PLA2G4F: variants seen among roughly 807,000 people sequenced by gnomAD.
The protein encoded by PLA2G4F is cytosolic phospholipase A2 zeta.
PLA2G4F carries 105 observed loss-of-function variants against 103.1 expected under a neutral mutation model. The ratio of observed to expected loss-of-function variants is 1.02; its 90% CI spans 0.87 to 1.20. The LOEUF is 1.20. Ranked by LOEUF, PLA2G4F falls within the 50% of genes most tolerant of loss-of-function variation. The probability of loss-of-function intolerance (pLI) is 0.00; values close to 1 mark genes in which losing one functional copy is unlikely to be tolerated. For missense variants in PLA2G4F, 1,155 were observed against 1,075.9 expected, an observed-to-expected ratio of 1.07 and a Z score of -1.03; for synonymous variants, 468 against 441.1, an observed-to-expected ratio of 1.06 and a Z score of -0.76.
intron 14 of PLA2G4F, 38 bp from the exon 15 acceptor site, chr15:42,145,941 C>T (rs1045748957): frequency 6.2e-7 from 1 of 1,608,626 alleles, no homozygotes; most frequent in Non-Finnish European, 8.5e-7. Flanking sequence ...CCAGGGGCTT[C>T]CCACCACGGT....
chr15:42,154,142 T>C lies in PLA2G4F; in HGVS notation c.400A>G (p.Ser134Gly), dbSNP rs1343403533. Residue 134 changes from serine to glycine, a missense_variant, in exon 4 of 20, where the codon AGC becomes GGC. Around this residue, in one of 3 missense-constraint regions of PLA2G4F, gnomAD observed 370 missense variants for 364.9 expected, o/e 1.01. Transcript: ENST00000397272. ...TTGTGAGGTTGGCCACACTTGAGGC[T>C]TCTCAGGTCAAACAGGAGCAGAGAG... The part of the protein sequence containing the change: ...QLSLLLFDLR[S>G]LKCGQPHKHT... 6.2e-7 allele frequency: 1 copy of C among 1,614,074 alleles called. No homozygotes were observed. Among genetic ancestry groups the C allele is most frequent in the African/African-American group, 1.3e-5 (1 of 74,928 alleles).
chr15:42,156,220 C>T (rs1287126641), intron 1 of PLA2G4F, among the ~76,000 whole-genome samples: 3 of 152,222 alleles, frequency 2.0e-5, no homozygotes, highest in Admixed American at 2.0e-4. Context: ...GCCAACCCAC[C>T]CCAGACAAGT....
At position 42,139,319 on chromosome 15, in the gene PLA2G4F, T is replaced by C. The variant is rs973328513; in HGVS notation, c.*2665A>G. 6.5e-6 allele frequency: 1 copy of C among 153,678 alleles called. No individual in the cohort carries two copies. Among genetic ancestry groups the C allele is most frequent in the African/African-American group, 2.4e-5 (1 of 41,500 alleles). The allele number at this position is 153,678 out of a possible 1,614,324, so 9.5% of individuals were successfully genotyped here. A position where few individuals can be genotyped will look rare whatever the true frequency, so the allele number is the denominator to read the frequency against. On this transcript the variant is annotated 3_prime_UTR_variant, in exon 20 of 20. Transcript: ENST00000397272. ...CTCTGCCTCAGGGTTATAGAACAGC[T>C]GTCTTTAGCTATTCTCCTCCAAAGC...
intron 13 of PLA2G4F, 57 bp downstream of exon 13, chr15:42,147,067 G>C: frequency 1.3e-6 from 2 of 1,494,298 alleles, no homozygotes; most frequent in South Asian, 1.2e-5. Context: ...CAGAAGCAAG[G>C]GGCGGGTGGA....
At chr15:42,144,189 C>T (rs1422458382) in intron 17 of PLA2G4F, 45 bp from the exon 18 acceptor site, 8 of 1,550,740 alleles carry the variant, frequency 5.2e-6, no homozygotes, top group Non-Finnish European at 7.0e-6. Flanking sequence ...TGCAGTTACT[C>T]TTGCTAGCAA....
rs1461510151 is a variant in PLA2G4F, at chr15:42,152,722, G to C, written c.567C>G (p.Leu189=). The change falls in exon 7 of 20, where the codon CTC becomes CTG. Residue 189 remains leucine (L), a synonymous_variant. Transcript: ENST00000397272. Reference sequence around the variant, plus strand: ...CCCGTGGGGCTGTCCCATCTCCCCGGAGCGTGCCCTGGATTCTCAGACAGG... The same window carrying C: ...CCCGTGGGGCTGTCCCATCTCCCCGCAGCGTGCCCTGGATTCTCAGACAGG... ...AHPCLRIQGT[L]RGDGTAPREE... 5.8e-6 allele frequency: 9 copies of C among 1,557,906 alleles called. No individual in the cohort carries two copies. Among genetic ancestry groups the C allele is most frequent in the Non-Finnish European group, 7.0e-6 (8 of 1,150,238 alleles).
chr15:42,144,368 C>T, intron 17 of PLA2G4F, 82 bp downstream of exon 17: 1 of 1,552,362 alleles, frequency 6.4e-7, no homozygotes, highest in East Asian at 2.3e-5. Context: ...AACCCCCAGC[C>T]CAAAGCCAGC....
At position 42,150,393 on chromosome 15, in the gene PLA2G4F, A is replaced by C. The variant is rs200239069; in HGVS notation, c.865T>G (p.Cys289Gly). ...CTTACCTCCCCCAGGGCCACAGAAC[A>C]CTGTTCCTCCTGGCCTAGGGGCAGA... ...SSLPLGQEEQ[C>G]SVALGEGQEV... The change falls in exon 9 of 20, where the codon TGT becomes GGT. Residue 289 changes from cysteine (C) to glycine (G), a missense_variant. Cys to Gly is a radical substitution (Grantham distance 159). This residue lies in a region of PLA2G4F where 370 missense variants were observed against 364.9 expected (regional missense o/e 1.01). Coordinates refer to ENST00000397272, the MANE Select transcript of PLA2G4F (RefSeq NM_213600.4). 1.2e-6 allele frequency: 2 copies of C among 1,611,592 alleles called. No individual in the cohort carries two copies. The highest frequency in any genetic ancestry group is 2.7e-5 in the African/African-American group (2 of 74,820).
intron 16 of PLA2G4F, among the ~76,000 whole-genome samples, chr15:42,145,107 A>T (rs192588793): frequency 6.6e-6 from 1 of 152,218 alleles, no homozygotes; most frequent in Admixed American, 6.5e-5. Context: ...AAGGACGACG[A>T]CAGGGATGTG....
intron 11 of PLA2G4F, 198 bp downstream of exon 11, chr15:42,149,515 C>T (rs1595621512): frequency 1.0e-6 from 1 of 985,302 alleles, no homozygotes. Flanking sequence ...GTTACGGCGG[C>T]CCACATAGAC....
At position 42,155,500 on chromosome 15, in the gene PLA2G4F, G is replaced by C; in HGVS notation, c.184+17C>G. 6.2e-7 allele frequency: 1 copy of C among 1,613,540 alleles called. No individual in the cohort carries two copies. Among genetic ancestry groups the C allele is most frequent in the East Asian group, 2.2e-5 (1 of 44,876 alleles). ...CAGGGAAAGGACAGAGAGAAGGATG[G>C]AGATGGGGTCACTCACGCAGGTCTG... On this transcript the variant is annotated intron_variant, in intron 2 of 19. Coordinates refer to ENST00000397272, the MANE Select transcript of PLA2G4F (RefSeq NM_213600.4).
intron 16 of PLA2G4F, among the ~76,000 whole-genome samples, chr15:42,145,025 T>C (rs79462630): frequency 0.023 from 3,538 of 152,244 alleles, 146 homozygotes; most frequent in African/African-American, 0.082. Flanking sequence ...GCCCTGGCCC[T>C]CCCAGGTGCA....
Position 42,150,087 on chromosome 15 carries a change from C to T in PLA2G4F, c.923+17G>A, listed in dbSNP as rs950113745. ...TAGCCCAGCCCCAAGAGGCCTTCTG[C>T]CTGGAGTCCCACTCACCTCATTTCC... On this transcript the variant is annotated intron_variant, in intron 10 of 19. Coordinates refer to ENST00000397272, the MANE Select transcript of PLA2G4F (RefSeq NM_213600.4). 36 of 1,614,060 alleles carry T rather than the reference C, an allele frequency of 2.2e-5. No homozygotes were observed. The highest frequency in any genetic ancestry group is 3.1e-5 in the Non-Finnish European group (36 of 1,180,038).
rs140300563 is a variant in PLA2G4F, at chr15:42,149,805, C to A, written c.967G>T (p.Gly323Trp). 2 of 1,614,192 alleles carry A rather than the reference C, an allele frequency of 1.2e-6. No homozygotes were observed. The highest frequency in any genetic ancestry group is 1.7e-6 in the Non-Finnish European group (2 of 1,180,050). The change falls in exon 11 of 20, where the codon GGG becomes TGG. Residue 323 changes from glycine (G) to tryptophan (W), a missense_variant. Physicochemically the swap from Gly to Trp is radical, Grantham distance 184 (BLOSUM62 -2). This residue lies in a region of PLA2G4F where 782 missense variants were observed against 692.9 expected (regional missense o/e 1.13). Transcript: ENST00000397272. Reference protein sequence around the residue: ...DLRLGFDLSDGEQEFLDRRKQ... With the variant: ...DLRLGFDLSDWEQEFLDRRKQ... ...CTCCTGTCCAGAAACTCCTGCTCCC[C>A]GTCAGAGAGGTCAAAGCCAAGGCGT...
In PLA2G4F at chr15:42,147,353, A is replaced by ATTGGAGGTGTGCC; in HGVS notation, c.1197-20_1197-8dup. The ATTGGAGGTGTGCC allele has an allele frequency of 6.2e-7, 1 of 1,602,650 alleles. No homozygotes were observed. On this transcript the variant is annotated splice_region_variant and splice_polypyrimidine_tract_variant and intron_variant, in intron 12 of 19. Coordinates refer to ENST00000397272, the MANE Select transcript of PLA2G4F (RefSeq NM_213600.4). The stretch of plus-strand genomic sequence containing the variant: ...GTAGAGTGTGGAGATGCACCTGGGG[A>ATTGGAGGTGTGCC]TTGGAGGTGTGCCTGAGTCAGGGGC...
rs966639974 is a variant in PLA2G4F at position 42,148,965 on chromosome 15, G to A, written c.1059+748C>T. 6.1e-6 allele frequency: 6 copies of A among 985,262 alleles called. No homozygotes were observed. In the African/African-American group the frequency reaches 7.0e-5, roughly 11 times the overall value. 61.0% of individuals were successfully genotyped at this position (985,262 alleles called of 1,614,324 possible). ...AACGATCTAGCCTTGTCAGCGCTGG[G>A]CCACAGTGATAGCGTCTCCTGAGGA... On this transcript the variant is annotated intron_variant, in intron 11 of 19. Coordinates refer to ENST00000397272, the MANE Select transcript of PLA2G4F (RefSeq NM_213600.4).
intron 9 of PLA2G4F, 36 bp downstream of exon 9, chr15:42,150,337 G>C (rs1338430718): frequency 6.4e-7 from 1 of 1,572,052 alleles, no homozygotes; most frequent in East Asian, 2.3e-5. Context: ...ACAGAGAGCA[G>C]GCAGGGGTCC....
Position 42,139,582 on chromosome 15 carries a change from A to T in PLA2G4F, c.*2402T>A, listed in dbSNP as rs978777630. The T allele has an allele frequency of 6.6e-6, 1 of 152,194 alleles. No homozygotes were observed. The highest frequency in any genetic ancestry group is 1.5e-5 in the Non-Finnish European group (1 of 68,062). The allele number at this position is 152,194 out of a possible 1,614,324, so 9.4% of individuals were successfully genotyped here. ...TGTCACCTTCAGGACCCTGAAGCTTATTTCCAGCCATCTCAGATAAGGGTT... is the reference window on the plus strand; with the variant it reads ...TGTCACCTTCAGGACCCTGAAGCTTTTTTCCAGCCATCTCAGATAAGGGTT... On this transcript the variant is annotated 3_prime_UTR_variant, in exon 20 of 20. Coordinates refer to ENST00000397272, the MANE Select transcript of PLA2G4F (RefSeq NM_213600.4).
intron 12 of PLA2G4F, 44 bp downstream of exon 12, chr15:42,147,582 T>C (rs1167935368): frequency 1.9e-6 from 3 of 1,600,050 alleles, no homozygotes; most frequent in Non-Finnish European, 2.6e-6. Context: ...CCCCACACTT[T>C]GTGGGGTCTC....
Sources: gnomAD v4.1 joint callset for allele counts (sites outside exome capture counted in the v4.1 genomes callset) on GRCh38, gnomAD v4.1.1 for gene constraint, gnomAD v4.1.1 regional missense constraint, MANE v1.5 for transcripts, NCBI Gene and HGNC (gene_info 2026-07-23, HGNC 2026-07-21) for gene names.